The following ST7L variants were observed in gnomAD, a reference collection of about 807,000 sequenced individuals.
ST7L encodes suppression of tumorigenicity 7 like, also known as suppressor of tumorigenicity 7 protein-like.
In ST7L, 57 loss-of-function variants were observed where a neutral mutation model predicts 72.5. That is an observed-to-expected ratio of 0.79 (90% CI 0.64 to 0.98). The LOEUF is 0.98. Among genes scored for constraint, ST7L ranks in the 50% least tolerant of loss-of-function variants. The probability of loss-of-function intolerance (pLI) is 0.00; values close to 1 mark genes in which losing one functional copy is unlikely to be tolerated. For missense variants in ST7L, 576 were observed against 672.2 expected, an observed-to-expected ratio of 0.86 and a Z score of 1.58; for synonymous variants, 221 against 240.9, an observed-to-expected ratio of 0.92 and a Z score of 0.77.
chr1:112,597,952 G>A lies in ST7L; in HGVS notation c.622+19C>T. 6.4e-7 allele frequency: 1 copy of A among 1,551,838 alleles called. No homozygotes were observed. Among genetic ancestry groups the A allele is most frequent in the African/African-American group, 1.4e-5 (1 of 73,328 alleles). The stretch of plus-strand genomic sequence containing the variant: ...TCTTCATGATCACTGTTTATACTAT[G>A]AACAGATATGATACATACCTGTGTC... On this transcript the variant is annotated intron_variant, in intron 5 of 14. Coordinates refer to ENST00000358039, the MANE Select transcript of ST7L (RefSeq NM_017744.5).
At chr1:112,618,184 A>G (rs764915422) in intron 1 of ST7L, 1 of 1,225,978 alleles carries the variant, frequency 8.2e-7, no homozygotes, top group Non-Finnish European at 1.0e-6. Context: ...TAAACACTTC[A>G]TCCTGTCTAC....
intron 1 of ST7L, 37 bp downstream of exon 1, chr1:112,618,872 G>A (rs1557719079): frequency 1.3e-6 from 2 of 1,546,020 alleles, no homozygotes; most frequent in Non-Finnish European, 1.7e-6. Flanking sequence ...ATCTCTCCTG[G>A]CCCCCCGCCC....
At chr1:112,578,789 C>T (rs1352227385) in intron 9 of ST7L, among the ~76,000 whole-genome samples, 1 of 151,504 alleles carries the variant, frequency 6.6e-6, no homozygotes, top group African/African-American at 2.4e-5. Context: ...AAAAACAAAA[C>T]AAAACAAAAC....
At chr1:112,549,250 G>A (rs1480411278) in intron 13 of ST7L, among the ~76,000 whole-genome samples, 1 of 151,948 alleles carries the variant, frequency 6.6e-6, no homozygotes, top group African/African-American at 2.4e-5. Context: ...AAAATTAGCC[G>A]GGCATGGTGG....
At chr1:112,565,504 T>G (rs1660879808) in intron 11 of ST7L, among the ~76,000 whole-genome samples, 1 of 152,242 alleles carries the variant, frequency 6.6e-6, no homozygotes, top group South Asian at 2.1e-4. Context: ...AAGGGCTTCT[T>G]CTGTAAGACA....
chr1:112,531,045 G>C (rs541670916), intron 14 of ST7L, among the ~76,000 whole-genome samples: 1 of 152,336 alleles, frequency 6.6e-6, no homozygotes, highest in South Asian at 2.1e-4. Context: ...TATCAAGTGA[G>C]CTCTGGAAAA....
chr1:112,570,142 C>G (rs1389551151), intron 11 of ST7L, among the ~76,000 whole-genome samples: 1 of 151,490 alleles, frequency 6.6e-6, no homozygotes, highest in Non-Finnish European at 1.5e-5. Flanking sequence ...TTGTGTTTGG[C>G]AACTAAAAAA....
At chr1:112,536,307 A>T (rs1046982285) in intron 14 of ST7L, among the ~76,000 whole-genome samples, 9 of 152,196 alleles carry the variant, frequency 5.9e-5, no homozygotes, top group Non-Finnish European at 8.8e-5. Context: ...GAAGTATACA[A>T]CTATCATGTC....
At chr1:112,588,137 T>C (rs1002323100) in intron 6 of ST7L, among the ~76,000 whole-genome samples, 6 of 152,244 alleles carry the variant, frequency 3.9e-5, no homozygotes, top group African/African-American at 7.2e-5. Context: ...GATTTTCATA[T>C]GTTGATTTTG....
At chr1:112,565,559 C>T (rs1660888041) in intron 11 of ST7L, among the ~76,000 whole-genome samples, 2 of 152,084 alleles carry the variant, frequency 1.3e-5, no homozygotes, top group African/African-American at 4.8e-5. Context: ...TTAGTTATTA[C>T]CTAACTATTA....
chr1:112,586,172 A>G (rs1374215708), intron 6 of ST7L, among the ~76,000 whole-genome samples: 1 of 152,216 alleles, frequency 6.6e-6, no homozygotes, highest in African/African-American at 2.4e-5. Context: ...TCATGGCTAT[A>G]ATCCCAGCAG....
chr1:112,579,154 G>A (rs1035245821), intron 9 of ST7L, among the ~76,000 whole-genome samples: 2 of 152,132 alleles, frequency 1.3e-5, no homozygotes, highest in Non-Finnish European at 2.9e-5. Context: ...GGAGGCTGAG[G>A]TGGGTGGATC....
chr1:112,561,953 G>C (rs895972173), intron 11 of ST7L, among the ~76,000 whole-genome samples: 12 of 149,494 alleles, frequency 8.0e-5, no homozygotes, highest in Non-Finnish European at 1.5e-4. Context: ...AAGAAATGAT[G>C]CTTCTAAAAC....
intron 9 of ST7L, among the ~76,000 whole-genome samples, chr1:112,580,457 A>G (rs1663914562): frequency 6.6e-6 from 1 of 152,144 alleles, no homozygotes; most frequent in Non-Finnish European, 1.5e-5. Flanking sequence ...CCAGCCTTCA[A>G]TGTGACTTAC....
chr1:112,538,427 C>G (rs997980540), intron 14 of ST7L, among the ~76,000 whole-genome samples: 1 of 152,150 alleles, frequency 6.6e-6, no homozygotes, highest in Non-Finnish European at 1.5e-5. Context: ...ACTGCAGCCT[C>G]CACCTCCCAG....
intron 2 of ST7L, among the ~76,000 whole-genome samples, chr1:112,614,715 G>A (rs1187396969): frequency 6.6e-6 from 1 of 152,006 alleles, no homozygotes; most frequent in African/African-American, 2.4e-5. Context: ...GGGAGGCCGA[G>A]GAGAATGGAT....
chr1:112,546,417 G>A (rs972798938), intron 13 of ST7L, among the ~76,000 whole-genome samples: 4 of 152,002 alleles, frequency 2.6e-5, no homozygotes, highest in African/African-American at 4.8e-5. Context: ...ATAGAGGGCT[G>A]TAGGGGCCTC....
At position 112,558,662 on chromosome 1, in the gene ST7L, C is replaced by T. The variant is rs533823645; in HGVS notation, c.1246-2644G>A. On this transcript the variant is annotated intron_variant, in intron 11 of 14. Coordinates refer to ENST00000358039, the MANE Select transcript of ST7L (RefSeq NM_017744.5). ...AATCCAGTTTGGGGACTTAACATTT[C>T]CCATTCAGTTTCTTAAAGGAATGCA... Among the ~76,000 whole-genome samples, 165 of 152,294 alleles carry T rather than the reference C, an allele frequency of 1.1e-3. 1 individual carries two copies. In the South Asian group the frequency reaches 0.015, roughly 14 times the overall value.
chr1:112,551,937 A>T (rs1384788857), intron 12 of ST7L, among the ~76,000 whole-genome samples: 1 of 152,240 alleles, frequency 6.6e-6, no homozygotes, highest in Non-Finnish European at 1.5e-5. Context: ...TTAAACATTG[A>T]AATAAATGTG....
Sources: allele counts gnomAD v4.1 joint callset (sites outside exome capture counted in the v4.1 genomes callset), GRCh38; gene constraint gnomAD v4.1.1; transcripts MANE v1.5; gene names NCBI Gene and HGNC (gene_info 2026-07-23, HGNC 2026-07-21).